The following KIF3A variants were observed in gnomAD, a reference collection of about 807,000 sequenced individuals.
KIF3A encodes kinesin family member 3A, also known as kinesin-like protein KIF3A.
Under a neutral mutation model 92.6 loss-of-function variants are expected in KIF3A, and 27 were observed. The ratio of observed to expected loss-of-function variants is 0.29; its 90% CI spans 0.21 to 0.40. KIF3A has a LOEUF of 0.40. Among genes scored for constraint, KIF3A ranks in the 10% least tolerant of loss-of-function variants. The pLI, the probability that KIF3A is intolerant of heterozygous loss-of-function variation, is 1.00. For missense variants in KIF3A, 581 were observed against 872.6 expected (o/e 0.67, Z 4.21); for synonymous variants, 250 against 275.4 (o/e 0.91, Z 0.92).
chr5:132,691,234 G>A (rs1449972214), downstream of KIF3A, among the ~76,000 whole-genome samples: 7 of 152,168 alleles, frequency 4.6e-5, no homozygotes, highest in Admixed American at 6.5e-5. Flanking sequence ...ATAATGAAAA[G>A]GATAACAAAA....
intron 4 of KIF3A, among the ~76,000 whole-genome samples, chr5:132,724,334 A>T (rs989901630): frequency 1.3e-5 from 2 of 152,206 alleles, no homozygotes; most frequent in African/African-American, 4.8e-5. Flanking sequence ...GCTGCTATAA[A>T]GACACATGCA....
chr5:132,700,512 T>C, intron 16 of KIF3A, 135 bp downstream of exon 16: 1 of 673,972 alleles, frequency 1.5e-6, no homozygotes, highest in Non-Finnish European at 2.6e-6. Flanking sequence ...ATTAGAAAAA[T>C]ATTTTATCTG....
At chr5:132,718,304 C>A (rs1422740066) in intron 5 of KIF3A, among the ~76,000 whole-genome samples, 7 of 152,134 alleles carry the variant, frequency 4.6e-5, no homozygotes, top group Non-Finnish European at 1.0e-4. Flanking sequence ...ATTTACCTGA[C>A]TGGGTTTTTT....
In KIF3A at chr5:132,702,930, C is replaced by T. The variant is rs959084500; in HGVS notation, c.1602G>A (p.Arg534=). Residue 534 remains arginine, a synonymous_variant, in exon 13 of 19, where the codon AGG becomes AGA. Coordinates refer to ENST00000403231, the MANE Select transcript of KIF3A (RefSeq NM_001300791.2). ...LEESNMELEE[R]RKRAEQLRRE... is the part of the protein sequence containing the mutation. ...TGCGAAGTTGCTCTGCTCTTTTCCT[C>T]CTTTCTTCCAGTTCCATGTTAGATT... The T allele has an allele frequency of 6.2e-6, 10 of 1,613,666 alleles. No individual in the cohort carries two copies. The highest frequency in any genetic ancestry group is 5.9e-6 in the Non-Finnish European group (7 of 1,179,800).
chr5:132,728,376 C>A (rs1754108630), intron 2 of KIF3A, among the ~76,000 whole-genome samples: 1 of 152,054 alleles, frequency 6.6e-6, no homozygotes, highest in African/African-American at 2.4e-5. Context: ...TGTTTGCATT[C>A]TTATTTAACT....
intron 2 of KIF3A, among the ~76,000 whole-genome samples, chr5:132,731,802 C>T (rs1442517870): frequency 2.0e-5 from 3 of 152,032 alleles, no homozygotes; most frequent in Non-Finnish European, 1.5e-5. Flanking sequence ...CCTCCGCCTC[C>T]GAGGTTCAGG....
chr5:132,729,049 G>A (rs932482532), intron 2 of KIF3A, among the ~76,000 whole-genome samples: 8 of 152,158 alleles, frequency 5.3e-5, no homozygotes, highest in African/African-American at 1.7e-4. Flanking sequence ...AACATCGTAT[G>A]TTCTCACTTA....
intron 2 of KIF3A, among the ~76,000 whole-genome samples, chr5:132,732,970 G>T (rs1224078765): frequency 1.3e-5 from 2 of 151,668 alleles, no homozygotes; most frequent in Non-Finnish European, 2.9e-5. Context: ...TAGGGATGAA[G>T]CTTGAAAACA....
In KIF3A at chr5:132,692,888, T is replaced by C. The variant is rs1752703896; in HGVS notation, c.*3746A>G. 6.5e-6 allele frequency: 1 copy of C among 152,686 alleles called. No individual in the cohort carries two copies. The highest frequency in any genetic ancestry group is 1.5e-5 in the Non-Finnish European group (1 of 68,026). 9.5% of individuals were successfully genotyped at this position (152,686 alleles called of 1,614,324 possible). A position where few individuals can be genotyped will look rare whatever the true frequency, so the allele number is the denominator to read the frequency against. The stretch of plus-strand genomic sequence containing the variant: ...AAACATCTATGTTTTCTTCTAGTAT[T>C]TTTAAGAACAAAAAATAATTTAAAA... On this transcript the variant is annotated 3_prime_UTR_variant, in exon 19 of 19. Coordinates refer to ENST00000403231, the MANE Select transcript of KIF3A (RefSeq NM_001300791.2).
intron 18 of KIF3A, among the ~76,000 whole-genome samples, chr5:132,698,486 T>C (rs935391561): frequency 1.3e-5 from 2 of 152,180 alleles, no homozygotes; most frequent in African/African-American, 2.4e-5. Context: ...ATCAAGGTTC[T>C]TGGGGCACCT....
At chr5:132,708,030 T>TC (rs1205657421) in intron 10 of KIF3A, among the ~76,000 whole-genome samples, 1 of 152,122 alleles carries the variant, frequency 6.6e-6, no homozygotes, top group Non-Finnish European at 1.5e-5. Context: ...ACGCCTATAA[T>TC]CCCAGCACTT....
At chr5:132,708,836 T>C (rs1753315103) in intron 10 of KIF3A, 71 bp downstream of exon 10, 1 of 987,992 alleles carries the variant, frequency 1.0e-6, no homozygotes, top group Non-Finnish European at 1.6e-6. Flanking sequence ...TGGTGCAGCA[T>C]TGCTCAAATG....
intron 2 of KIF3A, among the ~76,000 whole-genome samples, chr5:132,732,451 A>C (rs1417048253): frequency 2.6e-5 from 4 of 152,252 alleles, no homozygotes; most frequent in South Asian, 4.1e-4. Flanking sequence ...AAAATATGAT[A>C]TATCTATACA....
chr5:132,726,263 G>C (rs766387290), intron 3 of KIF3A, 51 bp from the exon 4 acceptor site: 3 of 1,572,296 alleles, frequency 1.9e-6, no homozygotes, highest in Admixed American at 1.7e-5. Flanking sequence ...TCATAAGAAC[G>C]GTTTTAAAAT....
At chr5:132,700,194 G>GT (rs746719454) in intron 17 of KIF3A, 22 bp downstream of exon 17, 3,101 of 1,339,096 alleles carry the variant, frequency 2.3e-3, no homozygotes, top group African/African-American at 2.6e-3. Context: ...GTTTTGTTTT[G>GT]TTTTTTTTTA....
intron 10 of KIF3A, among the ~76,000 whole-genome samples, chr5:132,708,649 T>G (rs745343769): frequency 1.3e-5 from 2 of 152,248 alleles, no homozygotes; most frequent in Admixed American, 1.3e-4. Context: ...ACTAGCTCTC[T>G]TTACATTATC....
At chr5:132,714,223 G>C (rs1223211775) in intron 8 of KIF3A, among the ~76,000 whole-genome samples, 2 of 152,054 alleles carry the variant, frequency 1.3e-5, no homozygotes, top group East Asian at 3.9e-4. Context: ...GATACCCAGA[G>C]CAGTCAAATT....
chr5:132,734,574 CAG>C, intron 1 of KIF3A, 96 bp from the exon 2 acceptor site: 9 of 1,059,584 alleles, frequency 8.5e-6, no homozygotes, highest in Non-Finnish European at 1.2e-5. Flanking sequence ...TTTTCCAACT[CAG>C]TGCCTTGCAC....
At chr5:132,698,762 C>T (rs1468217) in intron 18 of KIF3A, among the ~76,000 whole-genome samples, 1 of 141,492 alleles carries the variant, frequency 7.1e-6, no homozygotes, top group African/African-American at 2.7e-5. Flanking sequence ...CCAAGTCTTG[C>T]TCTGTCACCC....
Sources: allele counts gnomAD v4.1 joint callset (sites outside exome capture counted in the v4.1 genomes callset), GRCh38; gene constraint gnomAD v4.1.1; transcripts MANE v1.5; gene names NCBI Gene and HGNC (gene_info 2026-07-23, HGNC 2026-07-21).